GTF2IRD1: variants seen among roughly 807,000 people sequenced by gnomAD.
GTF2IRD1 encodes GTF2I repeat domain containing 1.
A neutral mutation model predicts 113.2 loss-of-function variants in GTF2IRD1; 26 were observed. The observed-to-expected ratio is 0.23, with a 90% confidence interval of 0.17 to 0.32. GTF2IRD1 has a LOEUF of 0.32. Among genes scored for constraint, GTF2IRD1 ranks in the 10% least tolerant of loss-of-function variants. GTF2IRD1 has a pLI of 1.00. For missense variants in GTF2IRD1, 864 were observed against 1,280.8 expected, an observed-to-expected ratio of 0.67 and a Z score of 4.97; for synonymous variants, 484 against 529.1, an observed-to-expected ratio of 0.91 and a Z score of 1.17.
Position 74,589,873 on chromosome 7 carries a change from C to T in GTF2IRD1, c.2343C>T (p.Leu781=), listed in dbSNP as rs587714692. The T allele has an allele frequency of 1.8e-5, 29 of 1,611,664 alleles. No homozygotes were observed. The highest frequency in any genetic ancestry group is 4.0e-5 in the African/African-American group (3 of 74,976). The change falls in exon 23 of 27, where the codon CTC becomes CTT. Residue 781 remains leucine, a synonymous_variant. Transcript: ENST00000424337. Reference sequence around the variant, plus strand: ...TAGATGAAGATGACGCCAACAGACTCGGGGAGAAGGTGATCCTGCGGGAGC... The same window carrying T: ...TAGATGAAGATGACGCCAACAGACTTGGGGAGAAGGTGATCCTGCGGGAGC... ...PKPDEDDANR[L]GEKVILREQV...
intron 14 of GTF2IRD1, among the ~76,000 whole-genome samples, chr7:74,543,303 G>C (rs1189454883): frequency 6.6e-6 from 1 of 150,874 alleles, no homozygotes; most frequent in Non-Finnish European, 1.5e-5. Context: ...ACTCTGTCTA[G>C]AAAAAGAAAA....
chr7:74,527,264 G>A (rs587665133), intron 8 of GTF2IRD1, among the ~76,000 whole-genome samples: 1 of 152,282 alleles, frequency 6.6e-6, no homozygotes, highest in South Asian at 2.1e-4. Flanking sequence ...TGAGGCAAGA[G>A]GATCACTTGA....
At chr7:74,469,607 G>C (rs1793965043) in intron 1 of GTF2IRD1, among the ~76,000 whole-genome samples, 1 of 152,152 alleles carries the variant, frequency 6.6e-6, no homozygotes, top group Non-Finnish European at 1.5e-5. Flanking sequence ...GTGAGTCAAT[G>C]TGCCTTTCTT....
In GTF2IRD1 at chr7:74,519,526, C is replaced by T; in HGVS notation, c.723C>T (p.Pro241=). The change falls in exon 6 of 27, where the codon CCC becomes CCT. Residue 241 remains proline (P), a synonymous_variant. Transcript: ENST00000424337. The part of the protein sequence containing the change: ...GLHGQAPKVP[P]QDLPPTATSS... ...ATGGCCAGGCCCCCAAGGTGCCACC[C>T]CAGGACCTGCCCCCAACCGCCACCT... 1 of 1,612,072 alleles carries T rather than the reference C, an allele frequency of 6.2e-7. No homozygotes were observed. The highest frequency in any genetic ancestry group is 2.2e-5 in the East Asian group (1 of 44,826).
chr7:74,570,015 T>C (rs1293589222), intron 22 of GTF2IRD1, among the ~76,000 whole-genome samples: 9 of 151,568 alleles, frequency 5.9e-5, no homozygotes, highest in Non-Finnish European at 8.8e-5. Flanking sequence ...GGGGGAACCT[T>C]TGGGTAAGAA....
intron 1 of GTF2IRD1, among the ~76,000 whole-genome samples, chr7:74,464,516 G>C (rs1311083271): frequency 1.3e-5 from 2 of 152,002 alleles, no homozygotes; most frequent in Non-Finnish European, 2.9e-5. Context: ...GTGTGATCAC[G>C]GCTCATGGCA....
chr7:74,578,252 G>T (rs1801198258), intron 22 of GTF2IRD1, among the ~76,000 whole-genome samples: 1 of 152,104 alleles, frequency 6.6e-6, no homozygotes, highest in Admixed American at 6.6e-5. Context: ...TGTGATCTTG[G>T]CTCACTGCAA....
intron 7 of GTF2IRD1, among the ~76,000 whole-genome samples, chr7:74,523,101 C>T (rs1277961928): frequency 3.3e-5 from 5 of 152,160 alleles, no homozygotes; most frequent in Admixed American, 6.6e-5. Context: ...CACCTGTAGT[C>T]GCAGCCACTC....
At chr7:74,485,384 G>T (rs562278589) in intron 1 of GTF2IRD1, among the ~76,000 whole-genome samples, 24 of 152,174 alleles carry the variant, frequency 1.6e-4, no homozygotes, top group Non-Finnish European at 3.2e-4. Context: ...TTGAGAGGCC[G>T]AGGCGGGCGG....
rs782598550 is a variant in GTF2IRD1 at position 74,544,747 on chromosome 7, T to C, written c.1619-8T>C. On this transcript the variant is annotated splice_region_variant and splice_polypyrimidine_tract_variant and intron_variant, in intron 14 of 26. Transcript: ENST00000424337. ...TGTGGCTTCCCGGCATCCTCTGTTC[T>C]CTTTTAGACAAAGGTCTGAGTGAGG... 26 of 1,613,402 alleles carry C rather than the reference T, an allele frequency of 1.6e-5. No individual in the cohort carries two copies. The highest frequency in any genetic ancestry group is 2.2e-5 in the Non-Finnish European group (26 of 1,179,764).
At chr7:74,508,847 C>G (rs575204090) in intron 2 of GTF2IRD1, among the ~76,000 whole-genome samples, 169 of 152,226 alleles carry the variant, frequency 1.1e-3, no homozygotes, top group African/African-American at 3.7e-3. Context: ...GTGTGGGGAG[C>G]CATTCACTAG....
intron 2 of GTF2IRD1, among the ~76,000 whole-genome samples, chr7:74,509,427 G>A (rs1464888898): frequency 1.3e-5 from 2 of 151,868 alleles, no homozygotes; most frequent in Non-Finnish European, 2.9e-5. Flanking sequence ...TGCCTACTCA[G>A]GAGGATGAGG....
At chr7:74,481,111 T>C (rs1794717349) in intron 1 of GTF2IRD1, among the ~76,000 whole-genome samples, 1 of 152,180 alleles carries the variant, frequency 6.6e-6, no homozygotes, top group African/African-American at 2.4e-5. Flanking sequence ...AGCAGCTGTG[T>C]TGGATGGTTG....
At chr7:74,499,839 GTAAT>G (rs1380414851) in intron 1 of GTF2IRD1, among the ~76,000 whole-genome samples, 1 of 151,884 alleles carries the variant, frequency 6.6e-6, no homozygotes, top group African/African-American at 2.4e-5. Context: ...TGCACACCAA[GTAAT>G]TAGTGAATGA....
At chr7:74,500,527 G>C (rs922817283) in intron 1 of GTF2IRD1, among the ~76,000 whole-genome samples, 3 of 152,022 alleles carry the variant, frequency 2.0e-5, no homozygotes, top group Non-Finnish European at 4.4e-5. Flanking sequence ...GTGCAGACAA[G>C]TGACCCTCCC....
At chr7:74,481,071 C>A (rs1355775057) in intron 1 of GTF2IRD1, among the ~76,000 whole-genome samples, 1 of 152,198 alleles carries the variant, frequency 6.6e-6, no homozygotes, top group African/African-American at 2.4e-5. Context: ...TTTGCCCCCG[C>A]CTGGGGCCAA....
At chr7:74,594,091 C>T (rs1164653794) in intron 24 of GTF2IRD1, among the ~76,000 whole-genome samples, 5 of 151,212 alleles carry the variant, frequency 3.3e-5, no homozygotes, top group South Asian at 4.2e-4. Context: ...CCCAGCTACT[C>T]GAGAGCCTGA....
In GTF2IRD1 at chr7:74,602,497, T is replaced by C. The variant is rs1802816628; in HGVS notation, c.*64T>C. The C allele has an allele frequency of 7.2e-7, 1 of 1,397,112 alleles. No individual in the cohort carries two copies. The highest frequency in any genetic ancestry group is 1.0e-6 in the Non-Finnish European group (1 of 985,586). The allele number at this position is 1,397,112 out of a possible 1,614,324, so 86.5% of individuals were successfully genotyped here. The stretch of plus-strand genomic sequence containing the variant: ...AAGGAAATGTAATTTATGTACAAAA[T>C]GTATATTCGGATATGTATCGATGCC... On this transcript the variant is annotated 3_prime_UTR_variant, in exon 27 of 27. Coordinates refer to ENST00000424337, the MANE Select transcript of GTF2IRD1 (RefSeq NM_005685.4).
Position 74,555,295 on chromosome 7 carries a change from C to T in GTF2IRD1, c.1966+72C>T. 1 of 1,498,624 alleles carries T rather than the reference C, an allele frequency of 6.7e-7. No individual in the cohort carries two copies. Among genetic ancestry groups the T allele is most frequent in the South Asian group, 1.1e-5 (1 of 87,762 alleles). 92.8% of individuals were successfully genotyped at this position (1,498,624 alleles called of 1,614,324 possible). On this transcript the variant is annotated intron_variant, in intron 18 of 26. Transcript: ENST00000424337. The surrounding 1 kb of genome is among the most constrained non-coding windows in gnomAD (Gnocchi z 5.3). Reference sequence around the variant, plus strand: ...GGCCCCAGGCCTCTGCCACCAGCCCCTCCTCCTGCTGCCTCTGTCCTGCTC... The same window carrying T: ...GGCCCCAGGCCTCTGCCACCAGCCCTTCCTCCTGCTGCCTCTGTCCTGCTC...
Sources: gnomAD v4.1 joint callset for allele counts (sites outside exome capture counted in the v4.1 genomes callset) on GRCh38, gnomAD v4.1.1 for gene constraint, Gnocchi (gnomAD v3.1) non-coding constraint, MANE v1.5 for transcripts, NCBI Gene and HGNC (gene_info 2026-07-23, HGNC 2026-07-21) for gene names.